Variants in INO80C observed in about 807,000 individuals in gnomAD.
The protein encoded by INO80C is INO80 complex subunit C, also known as IES6 homolog.
Under a neutral mutation model 17.7 loss-of-function variants are expected in INO80C, and 17 were observed. That is an observed-to-expected ratio of 0.96 (90% CI 0.66 to 1.44). The LOEUF is 1.44. Ranked by LOEUF, INO80C falls within the 40% of genes most tolerant of loss-of-function variation. The pLI, the probability that INO80C is intolerant of heterozygous loss-of-function variation, is 0.00. For missense variants in INO80C, 244 were observed against 245.0 expected, an observed-to-expected ratio of 1.00 and a Z score of 0.03; for synonymous variants, 96 against 95.8, an observed-to-expected ratio of 1.00 and a Z score of -0.01.
Position 35,497,799 on chromosome 18 carries a change from T to A in INO80C, c.76A>T (p.Ser26Cys), listed in dbSNP as rs143426726. ...CCGCTGCTGCCATTGTGGGAAGGGCTGGCCGGCCTCTTCTTGCTGTTCCGG... is the reference window on the plus strand; with the variant it reads ...CCGCTGCTGCCATTGTGGGAAGGGCAGGCCGGCCTCTTCTTGCTGTTCCGG... ...IVRNSKKRPA[S>C]PSHNGSSGGG... The change falls in exon 1 of 5, where the codon AGC (serine) becomes TGC (cysteine). Residue 26 changes from serine to cysteine, a missense_variant. Physicochemically the swap from Ser to Cys is moderately radical, Grantham distance 112. Transcript: ENST00000334598. 39 of 1,613,048 alleles carry A rather than the reference T, an allele frequency of 2.4e-5. No individual in the cohort carries two copies. The African/African-American group carries it at 4.1e-4, about 17-fold the overall frequency.
intron 4 of INO80C, among the ~76,000 whole-genome samples, chr18:35,470,645 C>T (rs935583263): frequency 6.6e-5 from 10 of 152,158 alleles, no homozygotes; most frequent in Non-Finnish European, 1.0e-4. Context: ...TGTGCTGAGC[C>T]GGCCCGCCCA....
intron 1 of INO80C, among the ~76,000 whole-genome samples, chr18:35,485,201 G>C (rs182190907): frequency 3.0e-4 from 45 of 152,118 alleles, no homozygotes; most frequent in Admixed American, 2.9e-3. Flanking sequence ...TGGGGGCATG[G>C]GGGTACCAAA....
At chr18:35,485,066 G>A (rs1436070318) in intron 1 of INO80C, among the ~76,000 whole-genome samples, 3 of 151,926 alleles carry the variant, frequency 2.0e-5, no homozygotes, top group African/African-American at 7.3e-5. Flanking sequence ...TTCTTATAAC[G>A]GCACCAGTCA....
intron 3 of INO80C, chr18:35,479,066 G>A: frequency 2.6e-6 from 1 of 387,794 alleles, no homozygotes; most frequent in East Asian, 4.3e-5. Flanking sequence ...TTATCATATT[G>A]GGACCTATGA....
intron 4 of INO80C, among the ~76,000 whole-genome samples, chr18:35,472,212 CCCA>C (rs1371701761): frequency 6.6e-6 from 1 of 152,188 alleles, no homozygotes; most frequent in Non-Finnish European, 1.5e-5. Flanking sequence ...AGTTTACACT[CCCA>C]CCAACAGTGT....
Position 35,497,544 on chromosome 18 carries a change from CAT to C in INO80C, c.156+173_156+174del, listed in dbSNP as rs1438121412. 6 of 1,409,524 alleles carry C rather than the reference CAT, an allele frequency of 4.3e-6. No individual in the cohort carries two copies. The East Asian group carries it at 8.3e-5, about 19-fold the overall frequency. 87.3% of individuals were successfully genotyped at this position (1,409,524 alleles called of 1,614,324 possible). ...CTTACAACACAAGGCGTTGTAAGCC[CAT>C]GTGTCCAAACGAAGGGAAAGAGTAG... is the stretch of plus-strand genomic sequence containing the variant. On this transcript the variant is annotated intron_variant, in intron 1 of 4. Transcript: ENST00000334598.
chr18:35,468,729 T>C lies in INO80C; in HGVS notation c.461A>G (p.Asp154Gly). 6.2e-7 allele frequency: 1 copy of C among 1,613,812 alleles called. No homozygotes were observed. Among genetic ancestry groups the C allele is most frequent in the Non-Finnish European group, 8.5e-7 (1 of 1,179,906 alleles). ...DVSGLLANYTDPQSKLRFSTI... is the reference protein window; with the variant it reads ...DVSGLLANYTGPQSKLRFSTI... ...GCTGAACCGCAGTTTGCTCTGGGGG[T>C]CTGTGTAGTTGGCCTGGGTGAAAAG... Residue 154 changes from aspartate to glycine, a missense_variant, in exon 5 of 5, where the codon GAC (aspartate) becomes GGC (glycine). Coordinates refer to ENST00000334598, the MANE Select transcript of INO80C (RefSeq NM_194281.4).
chr18:35,477,752 C>A (rs2045754056), intron 4 of INO80C, among the ~76,000 whole-genome samples: 1 of 152,204 alleles, frequency 6.6e-6, no homozygotes, highest in Admixed American at 6.5e-5. Flanking sequence ...CTTGAGCAGT[C>A]ACTGTGGTGG....
Position 35,468,359 on chromosome 18 carries a change from T to C in INO80C, c.*252A>G. 7.5e-7 allele frequency: 1 copy of C among 1,325,562 alleles called. No individual in the cohort carries two copies. Among genetic ancestry groups the C allele is most frequent in the Non-Finnish European group, 9.7e-7 (1 of 1,034,482 alleles). The allele number at this position is 1,325,562 out of a possible 1,614,324, so 82.1% of individuals were successfully genotyped here. On this transcript the variant is annotated 3_prime_UTR_variant, in exon 5 of 5. Transcript: ENST00000334598. The stretch of plus-strand genomic sequence containing the variant: ...AAATGAAAAGTATGGTTTTATTGTA[T>C]CTTCTTGTCAAACACCTTTACTTGA...
At chr18:35,481,476 C>T (rs2007452) in intron 1 of INO80C, among the ~76,000 whole-genome samples, 7 of 152,320 alleles carry the variant, frequency 4.6e-5, no homozygotes, top group South Asian at 2.1e-4. Context: ...CCAGTCCCAA[C>T]GGCAACCGCT....
intron 4 of INO80C, among the ~76,000 whole-genome samples, chr18:35,474,679 T>A (rs1329539487): frequency 6.6e-6 from 1 of 152,114 alleles, no homozygotes; most frequent in African/African-American, 2.4e-5. Flanking sequence ...AGAGCAAGAC[T>A]CTATCTCTAA....
chr18:35,497,544 C>A, intron 1 of INO80C, 175 bp downstream of exon 1: 1 of 1,409,524 alleles, frequency 7.1e-7, no homozygotes. Context: ...GTTGTAAGCC[C>A]ATGTGTCCAA....
At chr18:35,476,314 G>A (rs866122370) in intron 4 of INO80C, among the ~76,000 whole-genome samples, 1 of 152,146 alleles carries the variant, frequency 6.6e-6, no homozygotes, top group Non-Finnish European at 1.5e-5. Context: ...GGAGTCTAAC[G>A]AGACAGGATG....
chr18:35,492,772 C>T (rs951499373), intron 1 of INO80C, among the ~76,000 whole-genome samples: 16 of 152,164 alleles, frequency 1.1e-4, no homozygotes, highest in Admixed American at 1.0e-3. Flanking sequence ...TGCCTCTCCA[C>T]TTTAGATGTT....
intron 1 of INO80C, among the ~76,000 whole-genome samples, chr18:35,487,026 G>GATATA (rs2144072717): frequency 1.3e-5 from 2 of 152,246 alleles, no homozygotes; most frequent in East Asian, 3.9e-4. Flanking sequence ...TAGTCTCAAA[G>GATATA]TATCTTCCCA....
intron 1 of INO80C, among the ~76,000 whole-genome samples, chr18:35,481,823 G>A (rs1567983601): frequency 6.6e-6 from 1 of 152,162 alleles, no homozygotes; most frequent in Non-Finnish European, 1.5e-5. Context: ...GGCGGAGGCT[G>A]CAGTGAGCCG....
chr18:35,475,626 T>C (rs1325524945), intron 4 of INO80C, among the ~76,000 whole-genome samples: 1 of 151,096 alleles, frequency 6.6e-6, no homozygotes, highest in East Asian at 1.9e-4. Flanking sequence ...TGAGCCAAGA[T>C]GGCATCACTG....
intron 4 of INO80C, among the ~76,000 whole-genome samples, chr18:35,473,031 G>T (rs1360627818): frequency 1.3e-5 from 2 of 152,146 alleles, no homozygotes; most frequent in Non-Finnish European, 2.9e-5. Context: ...GTCATAAAGG[G>T]GCCTGGAATA....
At chr18:35,483,872 G>A (rs2045843625) in intron 1 of INO80C, among the ~76,000 whole-genome samples, 1 of 152,156 alleles carries the variant, frequency 6.6e-6, no homozygotes. Context: ...TCTGAGTATA[G>A]CTTTTTGTAG....
Sources: gnomAD v4.1 joint callset for allele counts (sites outside exome capture counted in the v4.1 genomes callset) on GRCh38, gnomAD v4.1.1 for gene constraint, MANE v1.5 for transcripts, NCBI Gene and HGNC (gene_info 2026-07-23, HGNC 2026-07-21) for gene names.